STOX1: variants seen among roughly 807,000 people sequenced by gnomAD.
STOX1 encodes the protein storkhead-box protein 1.
A neutral mutation model predicts 74.8 loss-of-function variants in STOX1; 57 were observed. The observed-to-expected ratio is 0.76, with a 90% CI of 0.62 to 0.95. The LOEUF (loss-of-function observed/expected upper bound fraction) is 0.95. STOX1 is among the 40% of genes least tolerant of loss of function. The pLI is 0.00. For missense variants in STOX1, 1,010 were observed against 1,117.0 expected, an observed-to-expected ratio of 0.90 and a Z score of 1.37; for synonymous variants, 375 against 401.3, an observed-to-expected ratio of 0.93 and a Z score of 0.78.
In STOX1 at chr10:68,885,485, C is replaced by T; in HGVS notation, c.1689C>T (p.Ser563=). 1 of 1,614,172 alleles carries T rather than the reference C, an allele frequency of 6.2e-7. No homozygotes were observed. Among genetic ancestry groups the T allele is most frequent in the Non-Finnish European group, 8.5e-7 (1 of 1,180,034 alleles). The change falls in exon 3 of 4, where the codon TCC becomes TCT. Residue 563 remains serine, a synonymous_variant. Coordinates refer to ENST00000298596, the MANE Select transcript of STOX1 (RefSeq NM_152709.5). ...EQPNDKMEAE[S]IYINDPTVKP... is the part of the protein sequence containing the mutation. ...CTAATGATAAAATGGAAGCAGAATC[C>T]ATTTACATAAATGACCCTACTGTCA...
chr10:68,829,761 A>G (rs1839359155), intron 1 of STOX1, among the ~76,000 whole-genome samples: 1 of 152,086 alleles, frequency 6.6e-6, no homozygotes, highest in Non-Finnish European at 1.5e-5. Context: ...GCTCTTTGCA[A>G]AACCACATAT....
intron 1 of STOX1, among the ~76,000 whole-genome samples, chr10:68,868,160 A>G (rs1209359328): frequency 1.3e-5 from 2 of 152,236 alleles, no homozygotes; most frequent in African/African-American, 4.8e-5. Context: ...ATCCCAATCC[A>G]GCGGTGCTAG....
At chr10:68,890,549 G>T (rs1564591268) in intron 3 of STOX1, among the ~76,000 whole-genome samples, 1 of 151,466 alleles carries the variant, frequency 6.6e-6, no homozygotes. Context: ...ACATAAAAAT[G>T]TTTGTGGGCA....
At chr10:68,851,440 A>G (rs1839981608) in intron 1 of STOX1, among the ~76,000 whole-genome samples, 1 of 152,174 alleles carries the variant, frequency 6.6e-6, no homozygotes, top group Non-Finnish European at 1.5e-5. Context: ...AAATCATTAA[A>G]CTTATAAATA....
rs1315870945 is a variant in STOX1 at position 68,884,807 on chromosome 10, C to G, written c.1011C>G (p.Phe337Leu). The G allele has an allele frequency of 1.2e-6, 2 of 1,614,168 alleles. No homozygotes were observed. The highest frequency in any genetic ancestry group is 3.3e-5 in the Admixed American group (2 of 60,010). ...KTEHSSFSAQ[F>L]PPEEWPVRDE... ...AACACAGCAGTTTCTCTGCTCAGTT[C>G]CCACCTGAAGAATGGCCCGTCCGAG... The change falls in exon 3 of 4, where the codon TTC becomes TTG. Residue 337 changes from phenylalanine (F) to leucine (L), a missense_variant. Physicochemically the swap from Phe to Leu is conservative, Grantham distance 22 (BLOSUM62 0). Coordinates refer to ENST00000298596, the MANE Select transcript of STOX1 (RefSeq NM_152709.5).
In STOX1 at chr10:68,880,101, C is replaced by A. The variant is rs145626450; in HGVS notation, c.311-1857C>A. On this transcript the variant is annotated intron_variant, in intron 1 of 3. Transcript: ENST00000298596. ...ACTTTACATTTTTCTCACCAACTTC[C>A]TTTCCTTCAATTGGAACTTTAATTT... 4.3e-4 allele frequency among the ~76,000 whole-genome samples: 66 copies of A among 151,730 alleles called. No homozygotes were observed. In the East Asian group the frequency reaches 5.6e-3, roughly 13 times the overall value.
intron 1 of STOX1, among the ~76,000 whole-genome samples, chr10:68,829,259 G>C (rs563500316): frequency 2.3e-4 from 35 of 152,364 alleles, no homozygotes; most frequent in African/African-American, 7.7e-4. Context: ...TGGATCACCT[G>C]AGTTCAGGAG....
chr10:68,843,661 G>C (rs954409161), intron 1 of STOX1, among the ~76,000 whole-genome samples: 30 of 151,944 alleles, frequency 2.0e-4, no homozygotes, highest in Admixed American at 1.8e-3. Flanking sequence ...GGGTTCAAGC[G>C]ATTTTCCTAC....
chr10:68,845,021 C>G (rs1839802596), intron 1 of STOX1, among the ~76,000 whole-genome samples: 1 of 152,166 alleles, frequency 6.6e-6, no homozygotes, highest in African/African-American at 2.4e-5. Flanking sequence ...CCTCGGCCTC[C>G]CAGAGTGCTG....
intron 1 of STOX1, among the ~76,000 whole-genome samples, chr10:68,835,532 C>A (rs10998454): frequency 0.056 from 8,459 of 151,918 alleles, 347 homozygotes; most frequent in East Asian, 0.23. Flanking sequence ...CCTGTGTTGT[C>A]CAGGCTGGTG....
intron 2 of STOX1, among the ~76,000 whole-genome samples, chr10:68,882,731 T>A (rs1192701016): frequency 6.6e-6 from 1 of 152,154 alleles, no homozygotes; most frequent in Non-Finnish European, 1.5e-5. Flanking sequence ...ACTCCTGACC[T>A]CATGATCCAC....
chr10:68,833,826 C>T lies in STOX1; in HGVS notation c.310+5893C>T, dbSNP rs141414111. Among the ~76,000 whole-genome samples the T allele has an allele frequency of 1.4e-4, 22 of 152,308 alleles. No homozygotes were observed. The South Asian group carries it at 4.6e-3, about 32-fold the overall frequency. ...AAACAATATGAGAGGGTCTGTCTCT[C>T]TTCTCTTACTGGCGTGAGCCATTGC... On this transcript the variant is annotated intron_variant, in intron 1 of 3. Coordinates refer to ENST00000298596, the MANE Select transcript of STOX1 (RefSeq NM_152709.5).
chr10:68,884,904 A>C lies in STOX1; in HGVS notation c.1108A>C (p.Thr370Pro), dbSNP rs754839969. ...EIIKRINPIL[T>P]VDNLIKHTVL... ...AATCAAACGAATTAACCCCATTTTG[A>C]CTGTTGACAATTTAATCAAACACAC... is the stretch of plus-strand genomic sequence containing the variant. Residue 370 changes from threonine to proline, a missense_variant, in exon 3 of 4, where the codon ACT (threonine) becomes CCT (proline). By Grantham distance (38) the Thr-to-Pro change is conservative (BLOSUM62 -1). Coordinates refer to ENST00000298596, the MANE Select transcript of STOX1 (RefSeq NM_152709.5). 7 of 1,614,122 alleles carry C rather than the reference A, an allele frequency of 4.3e-6. No individual in the cohort carries two copies. Among genetic ancestry groups the C allele is most frequent in the Non-Finnish European group, 4.2e-6 (5 of 1,180,002 alleles).
At chr10:68,864,240 G>A (rs1402650664) in intron 1 of STOX1, among the ~76,000 whole-genome samples, 2 of 152,106 alleles carry the variant, frequency 1.3e-5, no homozygotes, top group Non-Finnish European at 2.9e-5. Context: ...TGCTTTTTGA[G>A]CTGAAGTATA....
chr10:68,842,290 G>A (rs1839711119), intron 1 of STOX1, among the ~76,000 whole-genome samples: 1 of 152,128 alleles, frequency 6.6e-6, no homozygotes, highest in African/African-American at 2.4e-5. Flanking sequence ...AGGCCATCCT[G>A]GAGGTTTAGC....
chr10:68,847,805 T>C (rs1329364633), intron 1 of STOX1, among the ~76,000 whole-genome samples: 1 of 151,776 alleles, frequency 6.6e-6, no homozygotes, highest in Non-Finnish European at 1.5e-5. Context: ...TGATCTCAAC[T>C]ACCGAAACCT....
rs756767278 is a variant in STOX1, at chr10:68,886,201, C to A, written c.2405C>A (p.Pro802His). ...CTTAAAAGAAATGAATGCTACAAACCCACTGGGCTGCATGCTACCCCAGGT... is the reference window on the plus strand; with the variant it reads ...CTTAAAAGAAATGAATGCTACAAACACACTGGGCTGCATGCTACCCCAGGT... ...QVLKRNECYK[P>H]TGLHATPGES... Residue 802 changes from proline to histidine, a missense_variant, in exon 3 of 4, where the codon CCC becomes CAC. Physicochemically the swap from Pro to His is moderately conservative, Grantham distance 77 (BLOSUM62 -2). Transcript: ENST00000298596. 1 of 1,614,124 alleles carries A rather than the reference C, an allele frequency of 6.2e-7. No homozygotes were observed. The highest frequency in any genetic ancestry group is 1.1e-5 in the South Asian group (1 of 91,074).
At chr10:68,849,776 G>C (rs1444718381) in intron 1 of STOX1, among the ~76,000 whole-genome samples, 2 of 152,132 alleles carry the variant, frequency 1.3e-5, no homozygotes, top group East Asian at 3.8e-4. Context: ...TTTGATTTCT[G>C]TTGCAATACA....
chr10:68,851,841 TAAAAAC>T (rs970382198), intron 1 of STOX1, among the ~76,000 whole-genome samples: 1 of 150,018 alleles, frequency 6.7e-6, no homozygotes, highest in Non-Finnish European at 1.5e-5. Context: ...ACTCTTGTCT[TAAAAAC>T]AAACAGCCGG....
Sources: gnomAD v4.1 joint callset for allele counts (sites outside exome capture counted in the v4.1 genomes callset) on GRCh38, gnomAD v4.1.1 for gene constraint, MANE v1.5 for transcripts, NCBI Gene and HGNC (gene_info 2026-07-23, HGNC 2026-07-21) for gene names.